The following GRIA1 variants were observed in gnomAD, a reference collection of about 807,000 sequenced individuals.
GRIA1 encodes glutamate receptor 1.
Under a neutral mutation model 99.2 loss-of-function variants are expected in GRIA1, and 31 were observed. The observed-to-expected ratio is 0.31, with a 90% CI of 0.23 to 0.42. GRIA1 has a LOEUF of 0.42. Ranked by LOEUF, GRIA1 falls within the 10% of genes least tolerant of loss-of-function variation. The pLI, the probability that GRIA1 is intolerant of heterozygous loss-of-function variation, is 1.00. For synonymous variants in GRIA1, 438 were observed against 432.4 expected (o/e 1.01, Z -0.16); for missense variants, 782 against 1,157.5 (o/e 0.68, Z 4.71).
intron 11 of GRIA1, among the ~76,000 whole-genome samples, chr5:153,722,242 T>C (rs1009361344): frequency 6.0e-5 from 9 of 150,254 alleles, no homozygotes; most frequent in African/African-American, 2.2e-4. Context: ...TATATATTGT[T>C]AATATTGTCT....
At chr5:153,585,212 C>T (rs1202391037) in intron 2 of GRIA1, among the ~76,000 whole-genome samples, 1 of 151,832 alleles carries the variant, frequency 6.6e-6, no homozygotes, top group Admixed American at 6.6e-5. Context: ...TCTATGTGAC[C>T]GACCTTTCTG....
chr5:153,496,769 A>G (rs1754473739), intron 2 of GRIA1, among the ~76,000 whole-genome samples: 1 of 152,244 alleles, frequency 6.6e-6, no homozygotes, highest in Non-Finnish European at 1.5e-5. Context: ...AAGCAAGAAA[A>G]GCATCTTATT....
At chr5:153,713,718 T>G (rs1759483466) in intron 11 of GRIA1, among the ~76,000 whole-genome samples, 1 of 152,244 alleles carries the variant, frequency 6.6e-6, no homozygotes, top group African/African-American at 2.4e-5. Flanking sequence ...CTCTAGATTG[T>G]TCTGGAAGTT....
At chr5:153,568,210 G>A (rs1372449115) in intron 2 of GRIA1, among the ~76,000 whole-genome samples, 1 of 152,124 alleles carries the variant, frequency 6.6e-6, no homozygotes, top group Non-Finnish European at 1.5e-5. Context: ...ACCTTTCCCT[G>A]AATCCACCTT....
chr5:153,707,046 G>A (rs1294646331), intron 11 of GRIA1, among the ~76,000 whole-genome samples: 1 of 152,136 alleles, frequency 6.6e-6, no homozygotes, highest in East Asian at 1.9e-4. Context: ...TTGAACCCGG[G>A]AGGCAGAGGT....
chr5:153,678,087 T>C (rs1391583680), intron 7 of GRIA1, among the ~76,000 whole-genome samples: 1 of 152,198 alleles, frequency 6.6e-6, no homozygotes, highest in African/African-American at 2.4e-5. Context: ...GGCACAAATG[T>C]CCCTCAGGAC....
At chr5:153,705,662 A>ATTT (rs70978505) in intron 10 of GRIA1, 35 bp from the exon 11 acceptor site, 34,165 of 749,908 alleles carry the variant, frequency 0.046, 3,193 homozygotes, top group African/African-American at 0.093. Flanking sequence ...GCTCACCTGC[A>ATTT]TTTTTTTTTT....
At chr5:153,754,478 A>C (rs1310506378) in intron 11 of GRIA1, among the ~76,000 whole-genome samples, 6 of 151,576 alleles carry the variant, frequency 4.0e-5, no homozygotes, top group Admixed American at 1.3e-4. Context: ...ACAACAACAA[A>C]AAGAAAAATG....
chr5:153,588,374 C>T (rs976764907), intron 2 of GRIA1, among the ~76,000 whole-genome samples: 11 of 152,174 alleles, frequency 7.2e-5, no homozygotes, highest in Non-Finnish European at 1.5e-4. Flanking sequence ...TACTCCTCTA[C>T]TCCAAAAAAT....
Position 153,698,937 on chromosome 5 carries a change from G to C in GRIA1, c.1316G>C (p.Cys439Ser). 6.2e-7 allele frequency: 1 copy of C among 1,613,702 alleles called. No homozygotes were observed. The highest frequency in any genetic ancestry group is 8.5e-7 in the Non-Finnish European group (1 of 1,179,610). The change falls in exon 10 of 16, where the codon TGT (cysteine) becomes TCT (serine). Residue 439 changes from cysteine to serine, a missense_variant. By Grantham distance (112) the Cys-to-Ser change is moderately radical. Coordinates refer to ENST00000285900, the MANE Select transcript of GRIA1 (RefSeq NM_000827.4). ...GGCAATGACCGTTACGAGGGCTACT[G>C]TGTAGAGCTGGCGGCAGAGATTGCC... ...FEGNDRYEGYCVELAAEIAKH... is the reference protein window; with the variant it reads ...FEGNDRYEGYSVELAAEIAKH...
intron 2 of GRIA1, among the ~76,000 whole-genome samples, chr5:153,618,843 G>A (rs1014065858): frequency 6.6e-6 from 1 of 152,126 alleles, no homozygotes; most frequent in Admixed American, 6.6e-5. Context: ...GAGAAGTTCT[G>A]TATATTATGC....
intron 11 of GRIA1, among the ~76,000 whole-genome samples, chr5:153,754,297 G>A (rs1561832264): frequency 6.6e-6 from 1 of 152,164 alleles, no homozygotes; most frequent in Non-Finnish European, 1.5e-5. Flanking sequence ...ACATGCAAAT[G>A]AAGCATTGGG....
chr5:153,547,355 T>C (rs1561631090), intron 2 of GRIA1, among the ~76,000 whole-genome samples: 1 of 152,152 alleles, frequency 6.6e-6, no homozygotes, highest in Non-Finnish European at 1.5e-5. Flanking sequence ...TGTCTCCTAT[T>C]TCTCTCTCTT....
chr5:153,694,967 A>C (rs1757990622), intron 8 of GRIA1, among the ~76,000 whole-genome samples: 1 of 151,614 alleles, frequency 6.6e-6, no homozygotes, highest in African/African-American at 2.4e-5. Context: ...GAAAATGAAC[A>C]AGAAGGAGGA....
chr5:153,801,017 T>C (rs1230918330), intron 14 of GRIA1, among the ~76,000 whole-genome samples: 1 of 152,226 alleles, frequency 6.6e-6, no homozygotes, highest in African/African-American at 2.4e-5. Context: ...GAGACATTTA[T>C]TGTACATGAA....
At position 153,524,929 on chromosome 5, in the gene GRIA1, G is replaced by T. The variant is rs1757468660; in HGVS notation, c.220+30864G>T. On this transcript the variant is annotated intron_variant, in intron 2 of 15. Transcript: ENST00000285900. ...TCTCATAGTTGATTGTAGTCCAGTG[G>T]AAATATTTGCTATATTTGGCAGAAC... is the stretch of plus-strand genomic sequence containing the variant. Among the ~76,000 whole-genome samples the T allele has an allele frequency of 2.0e-5, 3 of 152,272 alleles. No individual in the cohort carries two copies. In the South Asian group the frequency reaches 6.2e-4, roughly 32 times the overall value.
chr5:153,688,240 C>T (rs1757475033), intron 8 of GRIA1, among the ~76,000 whole-genome samples: 1 of 152,148 alleles, frequency 6.6e-6, no homozygotes, highest in South Asian at 2.1e-4. Context: ...AATAAGGGCA[C>T]CCTATTTGGC....
At chr5:153,557,212 T>A (rs1760725433) in intron 2 of GRIA1, among the ~76,000 whole-genome samples, 1 of 151,382 alleles carries the variant, frequency 6.6e-6, no homozygotes, top group Non-Finnish European at 1.5e-5. Flanking sequence ...TACTATAGAG[T>A]TTATAAACAC....
intron 13 of GRIA1, among the ~76,000 whole-genome samples, chr5:153,789,240 TC>T (rs1336294276): frequency 6.6e-6 from 1 of 151,954 alleles, no homozygotes; most frequent in Non-Finnish European, 1.5e-5. Context: ...AGTGCCAGAC[TC>T]CAAAGGAGAT....
Sources: allele counts gnomAD v4.1 joint callset (sites outside exome capture counted in the v4.1 genomes callset), GRCh38; gene constraint gnomAD v4.1.1; transcripts MANE v1.5; gene names NCBI Gene and HGNC (gene_info 2026-07-23, HGNC 2026-07-21).